Variants in MED12L observed in about 807,000 individuals in gnomAD.
MED12L encodes mediator of RNA polymerase II transcription subunit 12-like protein.
A neutral mutation model predicts 281.3 loss-of-function variants in MED12L; 60 were observed. The observed-to-expected ratio is 0.21, with a 90% CI of 0.17 to 0.26. MED12L has a LOEUF of 0.26. Ranked by LOEUF, MED12L falls within the 10% of genes least tolerant of loss-of-function variation. MED12L has a pLI of 1.00. For synonymous variants in MED12L, 974 were observed against 987.2 expected, an observed-to-expected ratio of 0.99 and a Z score of 0.25; for missense variants, 2,146 against 2,680.9, an observed-to-expected ratio of 0.80 and a Z score of 4.41.
At chr3:151,144,443 G>A (rs1305884309) in intron 5 of MED12L, among the ~76,000 whole-genome samples, 1 of 152,134 alleles carries the variant, frequency 6.6e-6, no homozygotes, top group Non-Finnish European at 1.5e-5. Context: ...GAGTTTCCAT[G>A]CAACCTTGCA....
rs757491626 is a variant in MED12L, at chr3:151,376,144, AT to A, written c.3984del (p.Pro1329LeufsTer30). ...QAQKLLQLIC[Y>X]PHGIKECTEG... ...CAGAAATTACTGCAGCTTATCTGTT[AT>A]CCTCATGGCATTAAAGAATGTACCG... is the stretch of plus-strand genomic sequence containing the variant. On this transcript the variant is annotated frameshift_variant, in exon 28 of 45. Transcript: ENST00000687756. LOFTEE classifies it high-confidence loss of function. 1 of 1,610,756 alleles carries A rather than the reference AT, an allele frequency of 6.2e-7. No homozygotes were observed. Among genetic ancestry groups the A allele is most frequent in the South Asian group, 1.1e-5 (1 of 90,510 alleles).
intron 6 of MED12L, among the ~76,000 whole-genome samples, chr3:151,156,754 A>AG (rs1301601664): frequency 1.3e-5 from 2 of 152,170 alleles, no homozygotes; most frequent in Non-Finnish European, 2.9e-5. Flanking sequence ...AACAGAGCTG[A>AG]GGGGAGGGGT....
rs143004957 is a variant in MED12L, at chr3:151,378,897, T to G, written c.4478+724T>G. On this transcript the variant is annotated intron_variant, in intron 31 of 44. Transcript: ENST00000687756. ...CAGAATGGCAACTCCTCTCTAAAAC[T>G]CATTATGTACATGAGCTTTTAAAAT... Among the ~76,000 whole-genome samples the G allele has an allele frequency of 6.9e-3, 1,051 of 152,352 alleles. 11 individuals are homozygous for G. Among genetic ancestry groups the G allele is most frequent in the African/African-American group, 0.025 (1,019 of 41,582 alleles).
At chr3:151,089,785 G>A (rs1448465925) in intron 2 of MED12L, among the ~76,000 whole-genome samples, 1 of 152,034 alleles carries the variant, frequency 6.6e-6, no homozygotes, top group East Asian at 1.9e-4. Flanking sequence ...ATTATATATT[G>A]TGTTATAATA....
intron 16 of MED12L, chr3:151,329,118 C>A (rs1451178470): frequency 6.8e-6 from 5 of 734,720 alleles, no homozygotes; most frequent in Non-Finnish European, 1.1e-5. Context: ...TAACATCCTG[C>A]ATTTATCCAA....
chr3:151,407,673 A>T (rs1264239331), intron 39 of MED12L, among the ~76,000 whole-genome samples: 1 of 152,244 alleles, frequency 6.6e-6, no homozygotes, highest in Admixed American at 6.5e-5. Context: ...ACCCAAGCAA[A>T]TGGAGATACA....
intron 43 of MED12L, among the ~76,000 whole-genome samples, chr3:151,424,732 G>A (rs552721583): frequency 3.3e-5 from 5 of 152,234 alleles, no homozygotes; most frequent in Non-Finnish European, 7.3e-5. Context: ...CTGTCTGAGA[G>A]TGTGGACTGA....
chr3:151,375,030 A>G (rs765835974), intron 27 of MED12L, among the ~76,000 whole-genome samples: 4 of 152,236 alleles, frequency 2.6e-5, no homozygotes, highest in Non-Finnish European at 5.9e-5. Context: ...GGCATGTTAT[A>G]ACTATGGTAA....
At position 151,366,078 on chromosome 3, in the gene MED12L, A is replaced by G. The variant is rs574150771; in HGVS notation, c.3327+87A>G. 3.6e-5 allele frequency: 42 copies of G among 1,153,612 alleles called. No individual in the cohort carries two copies. The East Asian group carries it at 1.0e-3, about 29-fold the overall frequency. The allele number at this position is 1,153,612 out of a possible 1,614,324, so 71.5% of individuals were successfully genotyped here. ...TCTTTTTGCTTTTGGCTTTTATTTAATTGATTCAACTGAAATGTTATAAAA... is the reference window on the plus strand; with the variant it reads ...TCTTTTTGCTTTTGGCTTTTATTTAGTTGATTCAACTGAAATGTTATAAAA... On this transcript the variant is annotated intron_variant, in intron 23 of 44. Coordinates refer to ENST00000687756, the MANE Select transcript of MED12L (RefSeq NM_001393769.1).
intron 16 of MED12L, among the ~76,000 whole-genome samples, chr3:151,248,389 A>G (rs1270963868): frequency 1.3e-5 from 2 of 152,080 alleles, no homozygotes; most frequent in African/African-American, 2.4e-5. Context: ...CTTTGGTTTC[A>G]TTATTTGTAG....
chr3:151,297,757 CATTCTT>C (rs1745300135), intron 16 of MED12L, among the ~76,000 whole-genome samples: 1 of 151,978 alleles, frequency 6.6e-6, no homozygotes, highest in Non-Finnish European at 1.5e-5. Context: ...TATATGAACA[CATTCTT>C]ATTAAATGAT....
intron 39 of MED12L, among the ~76,000 whole-genome samples, chr3:151,403,472 A>G (rs1029609247): frequency 1.3e-5 from 2 of 152,160 alleles, no homozygotes; most frequent in African/African-American, 4.8e-5. Flanking sequence ...CTCTCATCAC[A>G]TCCCACTCAC....
At chr3:151,378,261 C>CA in intron 31 of MED12L, 88 bp downstream of exon 31, 4 of 1,247,120 alleles carry the variant, frequency 3.2e-6, no homozygotes, top group Non-Finnish European at 4.3e-6. Context: ...GTCACTGTAC[C>CA]CACAGTCCAC....
intron 2 of MED12L, among the ~76,000 whole-genome samples, chr3:151,087,852 C>T (rs1476218066): frequency 6.6e-6 from 1 of 151,798 alleles, no homozygotes; most frequent in African/African-American, 2.4e-5. Flanking sequence ...TAATGATCAC[C>T]TTTGGCTACA....
intron 44 of MED12L, 175 bp from the exon 45 acceptor site, chr3:151,432,577 G>A (rs1719658239): frequency 7.5e-6 from 4 of 536,178 alleles, no homozygotes; most frequent in African/African-American, 1.9e-5. Context: ...TGTCCCCTCT[G>A]CAGGGTGGTA....
chr3:151,395,053 G>T (rs145121211), intron 39 of MED12L, among the ~76,000 whole-genome samples, 186 bp downstream of exon 39: 3 of 152,224 alleles, frequency 2.0e-5, no homozygotes, highest in Admixed American at 6.5e-5. Flanking sequence ...TGTTATCATT[G>T]CTCAAATAAG....
intron 16 of MED12L, among the ~76,000 whole-genome samples, chr3:151,249,475 T>A (rs906958469): frequency 6.6e-6 from 1 of 151,890 alleles, no homozygotes; most frequent in Admixed American, 6.6e-5. Flanking sequence ...AACTTGGGGG[T>A]CTTGATTGGT....
chr3:151,303,919 T>C (rs2149738054), intron 16 of MED12L, among the ~76,000 whole-genome samples: 1 of 152,222 alleles, frequency 6.6e-6, no homozygotes, highest in Middle Eastern at 3.4e-3. Context: ...AATAATAATG[T>C]CATGTGAACC....
intron 16 of MED12L, among the ~76,000 whole-genome samples, chr3:151,291,415 A>G (rs549124758): frequency 2.0e-5 from 3 of 152,276 alleles, no homozygotes; most frequent in Non-Finnish European, 4.4e-5. Context: ...ACAGTCAGTA[A>G]CACACACATT....
Sources: allele counts gnomAD v4.1 joint callset (sites outside exome capture counted in the v4.1 genomes callset), GRCh38; gene constraint gnomAD v4.1.1; transcripts MANE v1.5; gene names NCBI Gene and HGNC (gene_info 2026-07-23, HGNC 2026-07-21).